The following PRPF18 variants were observed in gnomAD, a reference collection of about 807,000 sequenced individuals.
PRPF18 encodes pre-mRNA processing factor 18.
PRPF18 carries 38 observed loss-of-function variants against 46.5 expected under a neutral mutation model. The observed-to-expected ratio is 0.82, with a 90% confidence interval of 0.63 to 1.07. PRPF18 has a LOEUF of 1.07. PRPF18 is among the 50% of genes least tolerant of loss of function. The pLI, the probability that PRPF18 is intolerant of heterozygous loss-of-function variation, is 0.00. For missense variants in PRPF18, 263 were observed against 410.0 expected (o/e 0.64, Z 3.10); for synonymous variants, 152 against 146.7 (o/e 1.04, Z -0.26).
intron 1 of PRPF18, 34 bp downstream of exon 1, chr10:13,587,186 AAG>A: frequency 6.3e-7 from 1 of 1,587,222 alleles, no homozygotes; most frequent in South Asian, 1.1e-5. Context: ...GTCGGGATGT[AAG>A]AGTGAGAGTA....
the PRPF18 span, chr10:13,646,423 G>A: frequency 4.7e-4 from 71 of 152,518 alleles, 1 homozygote; most frequent in African/African-American, 1.7e-3. Context: ...TTCCCCCATA[G>A]CCATCCCCAC....
chr10:13,593,411 CATT>C (rs2079991511), intron 1 of PRPF18, among the ~76,000 whole-genome samples: 1 of 152,118 alleles, frequency 6.6e-6, no homozygotes, highest in Non-Finnish European at 1.5e-5. Context: ...GTATCTTAGA[CATT>C]ATTTATGACC....
Position 13,614,661 on chromosome 10 carries a change from T to A in PRPF18, c.792+575T>A, listed in dbSNP as rs55686484. Among the ~76,000 whole-genome samples the A allele has an allele frequency of 8.7e-3, 1,325 of 152,302 alleles. 8 individuals are homozygous for A. Among genetic ancestry groups the A allele is most frequent in the Non-Finnish European group, 0.015 (1,024 of 68,024 alleles). On this transcript the variant is annotated intron_variant, in intron 8 of 9. Coordinates refer to ENST00000378572, the MANE Select transcript of PRPF18 (RefSeq NM_003675.4). ...TCCTCCCTTGCCCCAGTGTCTATAC[T>A]CCTGAATGGGCTCTGGGAGGCAGCG...
At chr10:13,624,042 T>C (rs28419507) in intron 9 of PRPF18, among the ~76,000 whole-genome samples, 1 of 152,356 alleles carries the variant, frequency 6.6e-6, no homozygotes, top group East Asian at 1.9e-4. Context: ...TGGAATGCAG[T>C]GGCATGATCT....
chr10:13,613,933 A>C, intron 7 of PRPF18, 52 bp downstream of exon 7: 1 of 1,577,952 alleles, frequency 6.3e-7, no homozygotes, highest in East Asian at 2.3e-5. Flanking sequence ...AATACAGTAT[A>C]AATTTAGAAT....
rs1281982194 is a variant in PRPF18 at position 13,590,302 on chromosome 10, G to A, written c.66+3150G>A. ...GACCAACAAAGGGCGTACATGAAATGGGAATTAAAATACTGACATTCGGCC... is the reference window on the plus strand; with the variant it reads ...GACCAACAAAGGGCGTACATGAAATAGGAATTAAAATACTGACATTCGGCC... On this transcript the variant is annotated intron_variant, in intron 1 of 9. Coordinates refer to ENST00000378572, the MANE Select transcript of PRPF18 (RefSeq NM_003675.4). Among the ~76,000 whole-genome samples the A allele has an allele frequency of 1.3e-4, 19 of 151,854 alleles. No individual in the cohort carries two copies. The East Asian group carries it at 3.3e-3, about 26-fold the overall frequency.
rs562514281 is a variant in PRPF18 at position 13,603,689 on chromosome 10, G to T, written c.250-1942G>T. On this transcript the variant is annotated intron_variant, in intron 3 of 9. Coordinates refer to ENST00000378572, the MANE Select transcript of PRPF18 (RefSeq NM_003675.4). ...TAGTTGTGGATAGGACTGAATGTAAGTCATAGAAATAAAGCGTCTAGATCA... is the reference window on the plus strand; with the variant it reads ...TAGTTGTGGATAGGACTGAATGTAATTCATAGAAATAAAGCGTCTAGATCA... Among the ~76,000 whole-genome samples, 20 of 152,284 alleles carry T rather than the reference G, an allele frequency of 1.3e-4. No individual in the cohort carries two copies. The South Asian group carries it at 4.1e-3, about 32-fold the overall frequency.
the PRPF18 span, chr10:13,639,397 A>G: frequency 2.0e-5 from 3 of 152,322 alleles, no homozygotes; most frequent in South Asian, 4.1e-4. Context: ...TAGATGTGAA[A>G]GATACTTCAG....
intron 4 of PRPF18, among the ~76,000 whole-genome samples, chr10:13,608,745 G>C (rs1314741250): frequency 6.6e-6 from 1 of 152,098 alleles, no homozygotes; most frequent in African/African-American, 2.4e-5. Flanking sequence ...CTTCCTGGTG[G>C]GCAAAGGCTG....
chr10:13,654,325 A>G, the PRPF18 span: 7 of 879,252 alleles, frequency 8.0e-6, no homozygotes, highest in Non-Finnish European at 1.4e-5. Context: ...CTCATCATCC[A>G]TTTACTGACA....
intron 1 of PRPF18, chr10:13,591,540 T>C (rs753432353): frequency 6.9e-6 from 5 of 722,726 alleles, no homozygotes. Context: ...GGAATAGCTT[T>C]GATTTTTGGT....
At chr10:13,623,351 A>T (rs1040487956) in intron 9 of PRPF18, among the ~76,000 whole-genome samples, 1 of 152,216 alleles carries the variant, frequency 6.6e-6, no homozygotes, top group Non-Finnish European at 1.5e-5. Context: ...GAGCATTCCT[A>T]TAGTATGAAG....
downstream of PRPF18, among the ~76,000 whole-genome samples, chr10:13,634,800 T>C (rs1239156488): frequency 1.3e-5 from 2 of 152,254 alleles, no homozygotes; most frequent in Non-Finnish European, 2.9e-5. Flanking sequence ...TTTTTAAAAA[T>C]ATGCTGGTGG....
chr10:13,589,927 G>A (rs1013155088), intron 1 of PRPF18, among the ~76,000 whole-genome samples: 3 of 151,908 alleles, frequency 2.0e-5, no homozygotes, highest in Non-Finnish European at 4.4e-5. Context: ...TTTGATGAGT[G>A]GTTGGGAGTA....
rs573523437 is a variant in PRPF18 at position 13,619,337 on chromosome 10, C to T, written c.948+2784C>T. On this transcript the variant is annotated intron_variant, in intron 9 of 9. Transcript: ENST00000378572. ...TGTAAGACAAAGCTTTTTCAGAAAA[C>T]GTTTTTATTTTGAAATAATTATAGA... 5.3e-5 allele frequency among the ~76,000 whole-genome samples: 8 copies of T among 152,276 alleles called. No individual in the cohort carries two copies. The South Asian group carries it at 1.4e-3, about 28-fold the overall frequency.
intron 1 of PRPF18, among the ~76,000 whole-genome samples, chr10:13,595,922 G>A (rs944328741): frequency 6.6e-6 from 1 of 152,136 alleles, no homozygotes; most frequent in Non-Finnish European, 1.5e-5. Flanking sequence ...TCTAGAAAAT[G>A]ACATGTTCCT....
At chr10:13,654,476 G>A in the PRPF18 span, 2 of 1,613,908 alleles carry the variant, frequency 1.2e-6, no homozygotes, top group Admixed American at 1.7e-5. Context: ...AATTTCACTT[G>A]ACGGTGTCGA....
chr10:13,652,681 C>G, the PRPF18 span, among the ~76,000 whole-genome samples: 7,279 of 152,170 alleles, frequency 0.048, 493 homozygotes, highest in African/African-American at 0.14. Flanking sequence ...ACAGGAACAC[C>G]GAGCTGGGGC....
At position 13,587,083 on chromosome 10, in the gene PRPF18, C is replaced by T. The variant is rs769234953; in HGVS notation, c.-4C>T. The T allele has an allele frequency of 6.2e-7, 1 of 1,613,882 alleles. No homozygotes were observed. The highest frequency in any genetic ancestry group is 8.5e-7 in the Non-Finnish European group (1 of 1,179,914). On this transcript the variant is annotated 5_prime_UTR_variant, in exon 1 of 10. Transcript: ENST00000378572. ...GAAACTGGAGCTTAAATTCTGGCGG[C>T]GAGATGGACATTCTGAAATCAGAGA...
Sources: allele counts gnomAD v4.1 joint callset (sites outside exome capture counted in the v4.1 genomes callset), GRCh38; gene constraint gnomAD v4.1.1; transcripts MANE v1.5; gene names NCBI Gene and HGNC (gene_info 2026-07-23, HGNC 2026-07-21).